Variants in BMI1 observed in about 807,000 individuals in gnomAD.
BMI1 encodes the protein BMI1 proto-oncogene, polycomb ring finger.
In BMI1, 9 loss-of-function variants were observed where a neutral mutation model predicts 39.1. The ratio of observed to expected loss-of-function variants is 0.23; its 90% confidence interval spans 0.14 to 0.40. The LOEUF (loss-of-function observed/expected upper bound fraction) is 0.40, where lower values mean the gene tolerates loss of function less well. BMI1 is among the 10% of genes least tolerant of loss of function. The pLI, the probability that BMI1 is intolerant of heterozygous loss-of-function variation, is 1.00. For missense variants in BMI1, 252 were observed against 390.8 expected (o/e 0.64, Z 2.99); for synonymous variants, 131 against 127.9 (o/e 1.02, Z -0.16).
At chr10:22,326,711 G>A in intron 2 of BMI1, 150 bp downstream of exon 2, 2 of 1,347,656 alleles carry the variant, frequency 1.5e-6, no homozygotes, top group Middle Eastern at 4.9e-4. Context: ...ATGACTTTTT[G>A]TTAATATGTA....
Position 22,331,371 on chromosome 10 carries a change from T to A in BMI1, c.*1829T>A, listed in dbSNP as rs1836278230. The stretch of plus-strand genomic sequence containing the variant: ...CGTTAAAGAGAATACATTGCTGACT[T>A]ATAGTGATGTGGCTAAGAAGTACAT... On this transcript the variant is annotated 3_prime_UTR_variant, in exon 10 of 10. Transcript: ENST00000376663. 6.6e-6 allele frequency: 1 copy of A among 152,158 alleles called. No individual in the cohort carries two copies. The highest frequency in any genetic ancestry group is 2.4e-5 in the African/African-American group (1 of 41,452). 9.4% of individuals were successfully genotyped at this position (152,158 alleles called of 1,614,324 possible). A position where few individuals can be genotyped will look rare whatever the true frequency, so the allele number is the denominator to read the frequency against.
In BMI1 at chr10:22,329,198, C is replaced by CT; in HGVS notation, c.652-11dup. On this transcript the variant is annotated splice_polypyrimidine_tract_variant and intron_variant, in intron 9 of 9. Coordinates refer to ENST00000376663, the MANE Select transcript of BMI1 (RefSeq NM_005180.9). ...TAAAGAATTAAGAGTAATTTTTTTC[C>CT]TTTTAACTTTGTAGAATGGTCCACT... 4 of 1,609,152 alleles carry CT rather than the reference C, an allele frequency of 2.5e-6. No individual in the cohort carries two copies. The highest frequency in any genetic ancestry group is 3.4e-6 in the Non-Finnish European group (4 of 1,178,346).
chr10:22,326,343 T>C, intron 1 of BMI1, 88 bp from the exon 2 acceptor site: 1 of 1,548,568 alleles, frequency 6.5e-7, no homozygotes, highest in Non-Finnish European at 8.7e-7. Context: ...AAATGAGTTT[T>C]ATAAATTCAG....
intron 3 of BMI1, among the ~76,000 whole-genome samples, 196 bp downstream of exon 3, chr10:22,327,182 C>CTCG: frequency 6.6e-6 from 1 of 152,240 alleles, no homozygotes; most frequent in South Asian, 2.1e-4. Context: ...TAGTAGTATT[C>CTCG]AAGTGATTTT....
intron 2 of BMI1, 68 bp downstream of exon 2, chr10:22,326,629 CTG>C (rs1836160108): frequency 6.4e-7 from 1 of 1,573,126 alleles, no homozygotes; most frequent in South Asian, 1.2e-5. Context: ...AATTTGAAAA[CTG>C]TTAATGATTC....
In BMI1 at chr10:22,327,502, A is replaced by G. The variant is rs996205856; in HGVS notation, c.210-93A>G. The G allele has an allele frequency of 9.3e-6, 12 of 1,297,130 alleles. No individual in the cohort carries two copies. The African/African-American group carries it at 1.6e-4, about 18-fold the overall frequency. The allele number at this position is 1,297,130 out of a possible 1,614,324, so 80.4% of individuals were successfully genotyped here. A position where few individuals can be genotyped will look rare whatever the true frequency, so the allele number is the denominator to read the frequency against. Reference sequence around the variant, plus strand: ...ATAGACAGCATCACAATCAAGTAAAATATTATAGCACAAAAGAAGACTATA... The same window carrying G: ...ATAGACAGCATCACAATCAAGTAAAGTATTATAGCACAAAAGAAGACTATA... On this transcript the variant is annotated intron_variant, in intron 3 of 9. Coordinates refer to ENST00000376663, the MANE Select transcript of BMI1 (RefSeq NM_005180.9).
At chr10:22,325,510 A>G (rs1043033875) in intron 1 of BMI1, 3 of 150,970 alleles carry the variant, frequency 2.0e-5, no homozygotes, top group Non-Finnish European at 3.0e-5. Context: ...CTGGTCCCCG[A>G]TCCCCGCTCC....
At chr10:22,326,698 C>T (rs1836162494) in intron 2 of BMI1, 137 bp downstream of exon 2, 2 of 1,401,362 alleles carry the variant, frequency 1.4e-6, no homozygotes, top group Non-Finnish European at 9.6e-7. Flanking sequence ...TCTCTTGCAT[C>T]TAATGACTTT....
chr10:22,327,037 AT>A, intron 3 of BMI1, 51 bp downstream of exon 3: 1 of 1,588,986 alleles, frequency 6.3e-7, no homozygotes, highest in Non-Finnish European at 8.6e-7. Flanking sequence ...GAGTTGTATA[AT>A]TTACTGAAGG....
chr10:22,326,607 A>C lies in BMI1; in HGVS notation c.112+46A>C, dbSNP rs531059723. 9.4e-5 allele frequency: 149 copies of C among 1,589,442 alleles called. 2 individuals are homozygous for C. The South Asian group carries it at 1.5e-3, about 16-fold the overall frequency. ...CTCTTTTGTATCATGCGTATTTCAC[A>C]GTTCGACCTGGAATTTGAAAACTGT... On this transcript the variant is annotated intron_variant, in intron 2 of 9. Coordinates refer to ENST00000376663, the MANE Select transcript of BMI1 (RefSeq NM_005180.9).
chr10:22,329,990 A>G lies in BMI1; in HGVS notation c.*448A>G, dbSNP rs1169711764. The G allele has an allele frequency of 6.2e-6, 1 of 162,562 alleles. No homozygotes were observed. The highest frequency in any genetic ancestry group is 2.4e-5 in the African/African-American group (1 of 41,530). The allele number at this position is 162,562 out of a possible 1,614,324, so 10.1% of individuals were successfully genotyped here. A position where few individuals can be genotyped will look rare whatever the true frequency, so the allele number is the denominator to read the frequency against. On this transcript the variant is annotated 3_prime_UTR_variant, in exon 10 of 10. Transcript: ENST00000376663. ...TTGAAATTCAACCAACGGAAAGAAT[A>G]TGCATAGAATAATGCATTCTATGTA...
At chr10:22,326,832 C>T (rs1355098939) in intron 2 of BMI1, 58 bp from the exon 3 acceptor site, 2 of 1,582,516 alleles carry the variant, frequency 1.3e-6, no homozygotes, top group Non-Finnish European at 1.7e-6. Flanking sequence ...GTTTCTAACA[C>T]CAATGATTTA....
Position 22,321,646 on chromosome 10 carries a change from C to T in BMI1, c.-70C>T, listed in dbSNP as rs1238341312. 4.6e-5 allele frequency: 7 copies of T among 152,486 alleles called. No individual in the cohort carries two copies. In the East Asian group the frequency reaches 1.4e-3, roughly 30 times the overall value. The allele number at this position is 152,486 out of a possible 1,614,324, so 9.4% of individuals were successfully genotyped here. A position where few individuals can be genotyped will look rare whatever the true frequency, so the allele number is the denominator to read the frequency against. On this transcript the variant is annotated 5_prime_UTR_variant, in exon 1 of 10. Coordinates refer to ENST00000376663, the MANE Select transcript of BMI1 (RefSeq NM_005180.9). Reference sequence around the variant, plus strand: ...TTTCTGCTGAACGACTTTTAACTTTCATTGTCTTTTCCGCCCGCTTCGATC... The same window carrying T: ...TTTCTGCTGAACGACTTTTAACTTTTATTGTCTTTTCCGCCCGCTTCGATC...
rs1243007479 is a variant in BMI1 at position 22,329,587 on chromosome 10, A to G, written c.*45A>G. On this transcript the variant is annotated 3_prime_UTR_variant, in exon 10 of 10. Transcript: ENST00000376663. Reference sequence around the variant, plus strand: ...AAAAAATTTTAAACCCCTGATTTATATAGATATCTTCATGCCATTACAGCT... The same window carrying G: ...AAAAAATTTTAAACCCCTGATTTATGTAGATATCTTCATGCCATTACAGCT... 5.7e-6 allele frequency: 9 copies of G among 1,581,384 alleles called. No individual in the cohort carries two copies. Among genetic ancestry groups the G allele is most frequent in the Non-Finnish European group, 2.6e-6 (3 of 1,162,252 alleles).
rs1836273926 is a variant in BMI1, at chr10:22,331,157, T to C, written c.*1615T>C. The C allele has an allele frequency of 6.6e-6, 1 of 152,572 alleles. No homozygotes were observed. The highest frequency in any genetic ancestry group is 2.1e-4 in the South Asian group (1 of 4,834). The allele number at this position is 152,572 out of a possible 1,614,324, so 9.5% of individuals were successfully genotyped here. On this transcript the variant is annotated 3_prime_UTR_variant, in exon 10 of 10. Transcript: ENST00000376663. ...ACATATATTTTTATTTTGACCTAAA[T>C]TTGTACAGTCCCATTGTAAGTGTTG...
intron 3 of BMI1, 46 bp from the exon 4 acceptor site, chr10:22,327,549 T>C (rs773326187): frequency 2.0e-6 from 3 of 1,530,566 alleles, no homozygotes; most frequent in Admixed American, 2.0e-5. Flanking sequence ...ACATTTTTAG[T>C]TCTTGCCATC....
intron 1 of BMI1, chr10:22,325,615 G>C (rs976412201): frequency 7.3e-6 from 1 of 137,864 alleles, no homozygotes; most frequent in Non-Finnish European, 1.6e-5. Flanking sequence ...CCCGCGGCGC[G>C]CCGCCCCTCC....
chr10:22,326,202 T>A, intron 1 of BMI1: 6 of 458,136 alleles, frequency 1.3e-5, no homozygotes, highest in African/African-American at 2.0e-5. Context: ...TTCTTCTACC[T>A]ACAGGAATGA....
At chr10:22,321,767 C>T (rs1422941344) in intron 1 of BMI1, 71 bp downstream of exon 1, 1 of 145,924 alleles carries the variant, frequency 6.9e-6, no homozygotes, top group Non-Finnish European at 1.5e-5. Context: ...CTCGGGGCGG[C>T]CGCGGGTGGA....
Sources: gnomAD v4.1 joint callset for allele counts (sites outside exome capture counted in the v4.1 genomes callset) on GRCh38, gnomAD v4.1.1 for gene constraint, MANE v1.5 for transcripts, NCBI Gene and HGNC (gene_info 2026-07-23, HGNC 2026-07-21) for gene names.